PGCKA1: variants seen among roughly 807,000 people sequenced by gnomAD.
PGCKA1 encodes PDCD10 and GCKIII kinases-associated protein 1.
the PGCKA1 span, among the ~76,000 whole-genome samples, chr4:37,493,971 T>C: frequency 2.0e-5 from 3 of 152,224 alleles, no homozygotes; most frequent in African/African-American, 7.2e-5. Context: ...TATCCATTCA[T>C]CTGTTGATGG....
chr4:37,515,076 T>C, the PGCKA1 span, among the ~76,000 whole-genome samples: 1 of 152,174 alleles, frequency 6.6e-6, no homozygotes, highest in Non-Finnish European at 1.5e-5. Context: ...CTTAATGTGA[T>C]GGTCTTAGGA....
the PGCKA1 span, among the ~76,000 whole-genome samples, chr4:37,463,327 A>G: frequency 6.6e-6 from 1 of 152,220 alleles, no homozygotes; most frequent in African/African-American, 2.4e-5. Flanking sequence ...ATTTAATGCT[A>G]TAGTCATTTC....
chr4:37,541,479 C>T, the PGCKA1 span, among the ~76,000 whole-genome samples: 9,273 of 152,210 alleles, frequency 0.061, 349 homozygotes, highest in South Asian at 0.13. Flanking sequence ...CAGAAATGAG[C>T]GAGGAGGAGA....
At chr4:37,548,323 T>C in the PGCKA1 span, among the ~76,000 whole-genome samples, 5,072 of 152,236 alleles carry the variant, frequency 0.033, 297 homozygotes, top group African/African-American at 0.12. Flanking sequence ...CATAAGAATG[T>C]GGATTTTTAC....
chr4:37,578,192 G>A, the PGCKA1 span, among the ~76,000 whole-genome samples: 7 of 152,214 alleles, frequency 4.6e-5, no homozygotes, highest in Middle Eastern at 3.4e-3. Context: ...CCTCTCTTTC[G>A]CTCCAGTAAT....
chr4:37,454,001 G>A, the PGCKA1 span: 1 of 159,712 alleles, frequency 6.3e-6, no homozygotes, highest in African/African-American at 2.4e-5. Context: ...ATGGGCGCCG[G>A]GACCCCGCCG....
the PGCKA1 span, among the ~76,000 whole-genome samples, chr4:37,507,662 T>A: frequency 6.6e-6 from 1 of 152,196 alleles, no homozygotes; most frequent in Admixed American, 6.5e-5. Flanking sequence ...GTTACTATTT[T>A]TGATTGGTTC....
chr4:37,478,143 C>G, the PGCKA1 span, among the ~76,000 whole-genome samples: 1 of 86,978 alleles, frequency 1.1e-5, no homozygotes, highest in Non-Finnish European at 2.6e-5. Context: ...TTTAAAAACA[C>G]CCCCCCCCAC....
At chr4:37,526,528 G>A in the PGCKA1 span, among the ~76,000 whole-genome samples, 1 of 152,162 alleles carries the variant, frequency 6.6e-6, no homozygotes, top group African/African-American at 2.4e-5. Context: ...ACTTCATTGG[G>A]ATAAGCATAA....
At chr4:37,512,036 C>T in the PGCKA1 span, among the ~76,000 whole-genome samples, 1 of 152,164 alleles carries the variant, frequency 6.6e-6, no homozygotes, top group Non-Finnish European at 1.5e-5. Context: ...GTGCAAAGCC[C>T]CACAATCACT....
At chr4:37,473,815 C>T in the PGCKA1 span, among the ~76,000 whole-genome samples, 47 of 152,196 alleles carry the variant, frequency 3.1e-4, 1 homozygote, top group Admixed American at 9.2e-4. Flanking sequence ...ACATGATACC[C>T]AAATGCCTTT....
the PGCKA1 span, among the ~76,000 whole-genome samples, chr4:37,532,538 CTA>C: frequency 6.6e-5 from 10 of 151,376 alleles, no homozygotes; most frequent in African/African-American, 2.5e-4. Flanking sequence ...TATTTGTAAA[CTA>C]TGTGGTACAC....
chr4:37,492,376 G>C, the PGCKA1 span, among the ~76,000 whole-genome samples: 1 of 152,192 alleles, frequency 6.6e-6, no homozygotes, highest in Admixed American at 6.5e-5. This position sits in a 1 kb window ranked among gnomAD's most constrained non-coding sequence, Gnocchi z 4.7. Flanking sequence ...ATGGCATCTG[G>C]TCTGAGGAGG....
At chr4:37,546,631 G>A in the PGCKA1 span, among the ~76,000 whole-genome samples, 1 of 152,190 alleles carries the variant, frequency 6.6e-6, no homozygotes, top group Non-Finnish European at 1.5e-5. Flanking sequence ...TCTAAAACTT[G>A]GTGTCTGAGA....
chr4:37,510,403 C>T, the PGCKA1 span, among the ~76,000 whole-genome samples: 1 of 152,100 alleles, frequency 6.6e-6, no homozygotes, highest in Non-Finnish European at 1.5e-5. Flanking sequence ...TGACCTAATC[C>T]ATATCTGCAT....
the PGCKA1 span, chr4:37,590,166 C>T: frequency 6.2e-7 from 1 of 1,614,140 alleles, no homozygotes; most frequent in Non-Finnish European, 8.5e-7. Context: ...ATGAAGACGA[C>T]ACTGATAAAT....
At chr4:37,570,198 C>T in the PGCKA1 span, among the ~76,000 whole-genome samples, 2 of 133,200 alleles carry the variant, frequency 1.5e-5, no homozygotes, top group Non-Finnish European at 3.1e-5. Flanking sequence ...CAGAGTTTCA[C>T]CGTGTTAGCC....
At chr4:37,560,545 A>G in the PGCKA1 span, among the ~76,000 whole-genome samples, 1 of 152,188 alleles carries the variant, frequency 6.6e-6, no homozygotes, top group African/African-American at 2.4e-5. Context: ...AGCACTGCTC[A>G]GCTGCCTTTC....
chr4:37,532,967 C>G, the PGCKA1 span, among the ~76,000 whole-genome samples: 1 of 145,360 alleles, frequency 6.9e-6, no homozygotes, highest in Non-Finnish European at 1.5e-5. Flanking sequence ...TTGGGGGGAA[C>G]AGTGGGAGGG....
Sources: gnomAD v4.1 joint callset for allele counts (sites outside exome capture counted in the v4.1 genomes callset) on GRCh38, gnomAD v4.1.1 for gene constraint, Gnocchi (gnomAD v3.1) non-coding constraint, MANE v1.5 for transcripts, NCBI Gene and HGNC (gene_info 2026-07-23, HGNC 2026-07-21) for gene names.